The following NBEA variants were observed in gnomAD, a reference collection of about 807,000 sequenced individuals.
The protein encoded by NBEA is neurobeachin, also known as lysosomal-trafficking regulator 2.
In NBEA, 44 loss-of-function variants were observed where a neutral mutation model predicts 343.4. That is an observed-to-expected ratio of 0.13 (90% confidence interval 0.10 to 0.16). The LOEUF (loss-of-function observed/expected upper bound fraction) is 0.16, where lower values mean the gene tolerates loss of function less well. NBEA is among the 10% of genes least tolerant of loss of function. The pLI is 1.00. For missense variants in NBEA, 2,555 were observed against 3,631.3 expected, an observed-to-expected ratio of 0.70 and a Z score of 7.62; for synonymous variants, 1,175 against 1,238.7, an observed-to-expected ratio of 0.95 and a Z score of 1.08.
chr13:35,199,514 CA>C (rs1440268913), intron 31 of NBEA, among the ~76,000 whole-genome samples: 1 of 152,138 alleles, frequency 6.6e-6, no homozygotes. Flanking sequence ...TAATATTGTA[CA>C]GTCTCAATAG....
intron 1 of NBEA, among the ~76,000 whole-genome samples, chr13:35,006,877 C>T (rs1210755958): frequency 1.3e-5 from 2 of 152,144 alleles, no homozygotes; most frequent in African/African-American, 4.8e-5. Context: ...CTCAGCCTCT[C>T]GAATAGCTGG....
intron 41 of NBEA, among the ~76,000 whole-genome samples, chr13:35,481,746 C>A (rs1253737308): frequency 1.3e-5 from 2 of 151,752 alleles, no homozygotes; most frequent in Non-Finnish European, 3.0e-5. Flanking sequence ...TCACATGATT[C>A]TTTTCTATAT....
At chr13:35,539,223 A>T (rs1162755767) in intron 41 of NBEA, among the ~76,000 whole-genome samples, 1 of 152,184 alleles carries the variant, frequency 6.6e-6, no homozygotes, top group Admixed American at 6.5e-5. Context: ...TAGTTTGGTA[A>T]GTATTATAAA....
At chr13:35,416,497 G>A (rs1297784398) in intron 38 of NBEA, among the ~76,000 whole-genome samples, 2 of 152,136 alleles carry the variant, frequency 1.3e-5, no homozygotes, top group Non-Finnish European at 2.9e-5. Flanking sequence ...AGATAATCAT[G>A]TGGTTTTTGT....
chr13:35,343,393 C>A (rs1200164510), intron 36 of NBEA, among the ~76,000 whole-genome samples: 1 of 152,030 alleles, frequency 6.6e-6, no homozygotes, highest in East Asian at 1.9e-4. Flanking sequence ...ACATAATTAG[C>A]ATTTGATACT....
intron 38 of NBEA, among the ~76,000 whole-genome samples, chr13:35,401,933 G>A (rs117037992): frequency 0.033 from 5,042 of 151,990 alleles, 114 homozygotes; most frequent in Non-Finnish European, 0.045. Flanking sequence ...AATTGATTAC[G>A]AGTGCAGCTG....
At chr13:35,445,810 ATAT>A (rs1321695076) in intron 39 of NBEA, among the ~76,000 whole-genome samples, 1 of 135,476 alleles carries the variant, frequency 7.4e-6, no homozygotes, top group Non-Finnish European at 1.6e-5. Context: ...ATATATATAT[ATAT>A]ATATGTATAT....
rs373538633 is a variant in NBEA at position 35,550,556 on chromosome 13, T to C, written c.6665T>C (p.Leu2222Pro). Residue 2222 changes from leucine (L) to proline (P), a missense_variant, in exon 42 of 59, where the codon CTA becomes CCA. This residue lies in a region of NBEA where 246 missense variants were observed against 313.7 expected (regional missense o/e 0.78). Transcript: ENST00000379939. The stretch of plus-strand genomic sequence containing the variant: ...GCTGTATTTTCAAGACGTTACCTTC[T>C]ACAAAACACTGCTTTGGAAGTATTT... ...IRAVFSRRYL[L>P]QNTALEVFMA... The C allele has an allele frequency of 5.0e-6, 8 of 1,613,184 alleles. No homozygotes were observed. The highest frequency in any genetic ancestry group is 6.8e-6 in the Non-Finnish European group (8 of 1,179,310).
intron 34 of NBEA, among the ~76,000 whole-genome samples, chr13:35,250,221 C>G (rs912461314): frequency 6.6e-6 from 1 of 151,964 alleles, no homozygotes; most frequent in Non-Finnish European, 1.5e-5. Flanking sequence ...TATTTTACTA[C>G]AATTTTAATT....
At chr13:35,300,918 G>T (rs560500381) in intron 35 of NBEA, among the ~76,000 whole-genome samples, 1 of 151,842 alleles carries the variant, frequency 6.6e-6, no homozygotes, top group East Asian at 1.9e-4. Flanking sequence ...GTCTACCTAG[G>T]ATGTAAAGGG....
In NBEA at chr13:35,236,406, T is replaced by TTTTTGTTTTG. The variant is rs147528572; in HGVS notation, c.5776+3836_5776+3845dup. ...CAGCTCTTCTTTCTGCATTTAATCC[T>TTTTTGTTTTG]TTTTGTTTTGTTTTGTTTTGTTTTG... On this transcript the variant is annotated intron_variant, in intron 34 of 58. Coordinates refer to ENST00000379939, the MANE Select transcript of NBEA (RefSeq NM_001385012.1). Among the ~76,000 whole-genome samples, 963 of 147,164 alleles carry TTTTTGTTTTG rather than the reference T, an allele frequency of 6.5e-3. 7 individuals are homozygous for TTTTTGTTTTG. Among genetic ancestry groups the TTTTTGTTTTG allele is most frequent in the East Asian group, 0.046 (225 of 4,892 alleles).
intron 38 of NBEA, among the ~76,000 whole-genome samples, chr13:35,403,212 T>C (rs1414539770): frequency 2.0e-5 from 3 of 151,938 alleles, no homozygotes; most frequent in Non-Finnish European, 4.4e-5. Flanking sequence ...CTTAAAATTG[T>C]ATTTAAATAT....
intron 35 of NBEA, among the ~76,000 whole-genome samples, chr13:35,295,664 T>C (rs2036078707): frequency 6.6e-6 from 1 of 152,138 alleles, no homozygotes; most frequent in Non-Finnish European, 1.5e-5. Context: ...ATGTAGACAT[T>C]TTAAAGGAAA....
At chr13:35,316,297 C>T (rs1245968738) in intron 36 of NBEA, among the ~76,000 whole-genome samples, 1 of 151,958 alleles carries the variant, frequency 6.6e-6, no homozygotes, top group Non-Finnish European at 1.5e-5. Flanking sequence ...TGTGATGTTC[C>T]CCTCCCTGAG....
At chr13:35,503,731 G>T (rs1378296589) in intron 41 of NBEA, among the ~76,000 whole-genome samples, 1 of 151,956 alleles carries the variant, frequency 6.6e-6, no homozygotes, top group Non-Finnish European at 1.5e-5. Context: ...GTACTAATAT[G>T]TAAAATAGCA....
intron 1 of NBEA, among the ~76,000 whole-genome samples, chr13:34,946,459 A>G (rs1238500468): frequency 1.3e-5 from 2 of 152,136 alleles, no homozygotes; most frequent in Non-Finnish European, 2.9e-5. Flanking sequence ...AAATATGTTT[A>G]TAATAGAGGA....
chr13:35,517,228 C>T (rs2077519100), intron 41 of NBEA, among the ~76,000 whole-genome samples: 1 of 152,124 alleles, frequency 6.6e-6, no homozygotes, highest in South Asian at 2.1e-4. Context: ...GTCGGCCTCG[C>T]CCTCAATATT....
At chr13:35,292,097 G>T (rs1190898640) in intron 35 of NBEA, among the ~76,000 whole-genome samples, 1 of 151,716 alleles carries the variant, frequency 6.6e-6, no homozygotes, top group African/African-American at 2.4e-5. Context: ...TAATGCTTTC[G>T]ACTAAATATT....
chr13:35,644,192 C>G (rs2084105577), intron 49 of NBEA, among the ~76,000 whole-genome samples: 1 of 152,138 alleles, frequency 6.6e-6, no homozygotes, highest in Admixed American at 6.6e-5. Context: ...TCAGTATAGT[C>G]TCAAAAGAAA....
Sources: allele counts gnomAD v4.1 joint callset (sites outside exome capture counted in the v4.1 genomes callset), GRCh38; gene constraint gnomAD v4.1.1; regional missense constraint gnomAD v4.1.1; transcripts MANE v1.5; gene names NCBI Gene and HGNC (gene_info 2026-07-23, HGNC 2026-07-21).